Variants in PDE1C observed in about 807,000 individuals in gnomAD.
PDE1C encodes dual specificity calcium/calmodulin-dependent 3',5'-cyclic nucleotide phosphodiesterase 1C.
PDE1C carries 62 observed loss-of-function variants against 93.1 expected under a neutral mutation model. The ratio of observed to expected loss-of-function variants is 0.67; its 90% CI spans 0.54 to 0.82. The LOEUF (loss-of-function observed/expected upper bound fraction) is 0.82. Among genes scored for constraint, PDE1C ranks in the 40% least tolerant of loss-of-function variants. PDE1C has a pLI of 0.00. For synonymous variants in PDE1C, 325 were observed against 310.1 expected (o/e 1.05, Z -0.50); for missense variants, 742 against 884.6 (o/e 0.84, Z 2.04).
At chr7:31,810,300 A>C (rs927507342) in intron 15 of PDE1C, among the ~76,000 whole-genome samples, 1 of 152,084 alleles carries the variant, frequency 6.6e-6, no homozygotes, top group Non-Finnish European at 1.5e-5. Context: ...TTCTCACTCA[A>C]ATACTGGTAC....
the PDE1C span, among the ~76,000 whole-genome samples, chr7:31,637,660 C>T: frequency 1.1e-4 from 17 of 152,192 alleles, no homozygotes; most frequent in South Asian, 8.3e-4. Flanking sequence ...GAGTAGATTG[C>T]GAAAATTTTC....
intron 3 of PDE1C, among the ~76,000 whole-genome samples, chr7:32,088,016 AAAAT>A: frequency 7.0e-6 from 1 of 142,514 alleles, no homozygotes; most frequent in Admixed American, 7.1e-5. Context: ...ATAAAATAAA[AAAAT>A]AAAAAATAAA....
the PDE1C span, among the ~76,000 whole-genome samples, chr7:31,627,916 A>G: frequency 1.3e-5 from 2 of 152,214 alleles, no homozygotes; most frequent in Non-Finnish European, 2.9e-5. Context: ...AAGAAAGAGC[A>G]TATCCAAAAG....
At chr7:32,294,624 GTGTT>G (rs1195108192) in intron 1 of PDE1C, among the ~76,000 whole-genome samples, 4 of 152,190 alleles carry the variant, frequency 2.6e-5, no homozygotes, top group Non-Finnish European at 5.9e-5. Flanking sequence ...TGAGGGGGAG[GTGTT>G]TGTTTGTATT....
At chr7:31,976,861 CTCA>C in intron 2 of PDE1C, among the ~76,000 whole-genome samples, 1 of 152,280 alleles carries the variant, frequency 6.6e-6, no homozygotes, top group East Asian at 1.9e-4. Context: ...CCCCTTTATC[CTCA>C]TTATCTGCCA....
At chr7:31,648,154 A>G in the PDE1C span, among the ~76,000 whole-genome samples, 3 of 152,202 alleles carry the variant, frequency 2.0e-5, no homozygotes, top group African/African-American at 7.2e-5. Flanking sequence ...TTTAGAGAAA[A>G]GTAAAAGTAC....
chr7:31,905,399 C>T (rs867203581), intron 2 of PDE1C, among the ~76,000 whole-genome samples: 4 of 152,028 alleles, frequency 2.6e-5, no homozygotes, highest in African/African-American at 9.7e-5. Flanking sequence ...TTTTACAAAA[C>T]TTTTAGAGAT....
intron 11 of PDE1C, among the ~76,000 whole-genome samples, chr7:31,834,886 C>A (rs898242203): frequency 1.3e-5 from 2 of 151,954 alleles, no homozygotes; most frequent in Admixed American, 1.3e-4. Context: ...TTGGCTGTGT[C>A]CCTACCCAAA....
intron 1 of PDE1C, among the ~76,000 whole-genome samples, chr7:32,292,537 A>C (rs2128897902): frequency 6.6e-6 from 1 of 152,298 alleles, no homozygotes; most frequent in African/African-American, 2.4e-5. Flanking sequence ...ATCCCATTTG[A>C]TCTGCTACTC....
rs1324978815 is a variant in PDE1C, at chr7:31,751,181, T to A, written c.*2203A>T. On this transcript the variant is annotated 3_prime_UTR_variant, in exon 18 of 18. Coordinates refer to ENST00000396191, the MANE Select transcript of PDE1C (RefSeq NM_001191057.4). ...AAAATGGCTCACATACAAGAAAGTC[T>A]GTTAAAAGCATCTTTTTATTTGCTG... 6.6e-6 allele frequency: 1 copy of A among 152,210 alleles called. No homozygotes were observed. 9.4% of individuals were successfully genotyped at this position (152,210 alleles called of 1,614,324 possible). A position where few individuals can be genotyped will look rare whatever the true frequency, so the allele number is the denominator to read the frequency against.
At chr7:32,013,787 G>C (rs1032787975) in intron 2 of PDE1C, among the ~76,000 whole-genome samples, 4 of 152,136 alleles carry the variant, frequency 2.6e-5, no homozygotes, top group Admixed American at 6.5e-5. Context: ...TGTTAGCACA[G>C]GTCTTTGAAT....
intron 1 of PDE1C, among the ~76,000 whole-genome samples, chr7:32,268,091 C>A (rs1810733906): frequency 6.6e-6 from 1 of 152,212 alleles, no homozygotes; most frequent in African/African-American, 2.4e-5. Context: ...CGGGTCACAC[C>A]AGGCCTGGAA....
chr7:31,699,525 G>A, the PDE1C span, among the ~76,000 whole-genome samples: 1 of 152,186 alleles, frequency 6.6e-6, no homozygotes, highest in Non-Finnish European at 1.5e-5. Context: ...CTTCCCAAGG[G>A]AAGAAGGAAT....
chr7:31,757,179 T>C (rs1027283720), intron 17 of PDE1C, among the ~76,000 whole-genome samples: 2 of 152,226 alleles, frequency 1.3e-5, no homozygotes, highest in African/African-American at 2.4e-5. Flanking sequence ...CATGTAATGG[T>C]GTTAAATGAA....
At chr7:31,694,387 A>C in the PDE1C span, among the ~76,000 whole-genome samples, 5,116 of 141,496 alleles carry the variant, frequency 0.036, 315 homozygotes, top group African/African-American at 0.12. Flanking sequence ...CTCTCTCTCA[A>C]ACACACACAC....
upstream of PDE1C, among the ~76,000 whole-genome samples, chr7:32,075,925 C>T (rs1796324121): frequency 6.6e-6 from 1 of 152,138 alleles, no homozygotes; most frequent in Non-Finnish European, 1.5e-5. Flanking sequence ...TAGGATAAGA[C>T]CCTTCTCTTG....
At chr7:32,085,702 C>T (rs1214705872) in intron 3 of PDE1C, among the ~76,000 whole-genome samples, 2 of 151,212 alleles carry the variant, frequency 1.3e-5, no homozygotes, top group African/African-American at 4.9e-5. Flanking sequence ...GTTCAATATA[C>T]ACAAATCAAT....
intron 16 of PDE1C, chr7:31,784,744 C>T (rs1783742581): frequency 6.6e-6 from 1 of 151,914 alleles, no homozygotes; most frequent in Admixed American, 6.6e-5. Flanking sequence ...ATGAAAATAG[C>T]AAATATATTT....
At chr7:32,206,702 A>G (rs1441445279) in intron 2 of PDE1C, among the ~76,000 whole-genome samples, 1 of 152,220 alleles carries the variant, frequency 6.6e-6, no homozygotes, top group African/African-American at 2.4e-5. Flanking sequence ...TGCAGTACCC[A>G]CATGAGGTAT....
Sources: gnomAD v4.1 joint callset for allele counts (sites outside exome capture counted in the v4.1 genomes callset) on GRCh38, gnomAD v4.1.1 for gene constraint, MANE v1.5 for transcripts, NCBI Gene and HGNC (gene_info 2026-07-23, HGNC 2026-07-21) for gene names.